EFCAB5: variants seen among roughly 807,000 people sequenced by gnomAD.
The protein encoded by EFCAB5 is EF-hand calcium-binding domain-containing protein 5.
A neutral mutation model predicts 167.9 loss-of-function variants in EFCAB5; 131 were observed. The observed-to-expected ratio is 0.78, with a 90% CI of 0.68 to 0.90. The LOEUF is 0.90. Ranked by LOEUF, EFCAB5 falls within the 40% of genes least tolerant of loss-of-function variation. The pLI, the probability that EFCAB5 is intolerant of heterozygous loss-of-function variation, is 0.00. For synonymous variants in EFCAB5, 574 were observed against 602.8 expected (o/e 0.95, Z 0.70); for missense variants, 1,663 against 1,745.2 (o/e 0.95, Z 0.84).
At chr17:30,007,832 A>T (rs1482163851) in intron 7 of EFCAB5, among the ~76,000 whole-genome samples, 1 of 152,122 alleles carries the variant, frequency 6.6e-6, no homozygotes, top group Non-Finnish European at 1.5e-5. Flanking sequence ...ACAAAAAATT[A>T]AAAACATAGC....
At chr17:29,989,580 CAGG>C (rs901850581) in intron 4 of EFCAB5, among the ~76,000 whole-genome samples, 4 of 152,200 alleles carry the variant, frequency 2.6e-5, no homozygotes, top group African/African-American at 9.7e-5. Context: ...GGAATCATAG[CAGG>C]AGAAGACAGT....
chr17:30,002,851 G>A (rs1486471090), intron 7 of EFCAB5, among the ~76,000 whole-genome samples: 1 of 152,084 alleles, frequency 6.6e-6, no homozygotes, highest in East Asian at 1.9e-4. Flanking sequence ...ATTCTTGATT[G>A]AAAATTCTTC....
intron 1 of EFCAB5, among the ~76,000 whole-genome samples, chr17:29,932,750 A>C (rs1026266333): frequency 2.0e-5 from 3 of 151,928 alleles, no homozygotes; most frequent in African/African-American, 7.3e-5. Flanking sequence ...GAGCCCCCGC[A>C]CCCGGCCATC....
intron 3 of EFCAB5, among the ~76,000 whole-genome samples, chr17:29,948,155 A>G (rs762288435): frequency 6.6e-6 from 1 of 152,200 alleles, no homozygotes; most frequent in Non-Finnish European, 1.5e-5. Context: ...TAAAAATGCC[A>G]AACAGAATTT....
intron 1 of EFCAB5, 30 bp from the exon 2 acceptor site, chr17:29,942,210 T>C: frequency 6.5e-7 from 1 of 1,549,956 alleles, no homozygotes; most frequent in Non-Finnish European, 8.7e-7. Context: ...TCTTTTTGGA[T>C]GCCATTTACT....
intron 8 of EFCAB5, among the ~76,000 whole-genome samples, chr17:30,050,079 T>A (rs1040359255): frequency 1.3e-5 from 2 of 152,072 alleles, no homozygotes; most frequent in African/African-American, 4.8e-5. Context: ...TAGATCTCAA[T>A]GTTGAGTAAA....
chr17:30,054,183 TGTTTTGTGGAATG>T, intron 10 of EFCAB5, 35 bp downstream of exon 10: 1 of 1,479,352 alleles, frequency 6.8e-7, no homozygotes, highest in Non-Finnish European at 9.0e-7. Context: ...ATCAGTTCCC[TGTTTTGTGGAATG>T]GTTTTTAAAG....
intron 1 of EFCAB5, among the ~76,000 whole-genome samples, chr17:29,932,602 T>C (rs1238719204): frequency 6.6e-6 from 1 of 151,474 alleles, no homozygotes; most frequent in East Asian, 1.9e-4. Context: ...ATTACAGGCA[T>C]GTGCCACCAC....
At chr17:30,064,024 C>A (rs984750803) in intron 14 of EFCAB5, among the ~76,000 whole-genome samples, 1 of 152,090 alleles carries the variant, frequency 6.6e-6, no homozygotes, top group Non-Finnish European at 1.5e-5. Flanking sequence ...GAAAATCTTC[C>A]TCTATAAAAG....
At chr17:30,001,679 T>G (rs2068664917) in intron 7 of EFCAB5, among the ~76,000 whole-genome samples, 1 of 152,224 alleles carries the variant, frequency 6.6e-6, no homozygotes, top group Non-Finnish European at 1.5e-5. Flanking sequence ...ATAAGTTCAT[T>G]ATAAAAATTT....
intron 1 of EFCAB5, 150 bp downstream of exon 1, chr17:29,941,988 T>TC: frequency 1.0e-6 from 1 of 964,256 alleles, no homozygotes. Flanking sequence ...AGAAATGCTG[T>TC]AAAAGGGGTC....
intron 8 of EFCAB5, among the ~76,000 whole-genome samples, chr17:30,040,118 A>G (rs955568409): frequency 6.6e-6 from 1 of 152,226 alleles, no homozygotes; most frequent in Admixed American, 6.5e-5. Flanking sequence ...ATGGTCCTCA[A>G]ATCAAGTAGA....
intron 7 of EFCAB5, among the ~76,000 whole-genome samples, chr17:30,021,247 G>A (rs1221633082): frequency 1.3e-5 from 2 of 150,330 alleles, no homozygotes; most frequent in African/African-American, 2.4e-5. Flanking sequence ...GAATGCTAAT[G>A]AGTTTATATA....
rs373288847 is a variant in EFCAB5 at position 29,963,726 on chromosome 17, G to A, written c.191-5065G>A. 2.6e-5 allele frequency among the ~76,000 whole-genome samples: 4 copies of A among 152,256 alleles called. No individual in the cohort carries two copies. The East Asian group carries it at 7.7e-4, about 29-fold the overall frequency. On this transcript the variant is annotated intron_variant, in intron 3 of 22. Transcript: ENST00000394835. ...GATCACTGATTCAATCTCTTTACTT[G>A]TTAGAGGTCTGATATGGTTTGAATG... is the stretch of plus-strand genomic sequence containing the variant.
At chr17:29,934,979 T>C (rs2067233081) in intron 1 of EFCAB5, among the ~76,000 whole-genome samples, 1 of 151,994 alleles carries the variant, frequency 6.6e-6, no homozygotes, top group Non-Finnish European at 1.5e-5. Context: ...TAAAAGATTA[T>C]GACTTATATA....
intron 3 of EFCAB5, among the ~76,000 whole-genome samples, chr17:29,951,754 C>T (rs926526014): frequency 6.6e-6 from 1 of 152,078 alleles, no homozygotes; most frequent in Non-Finnish European, 1.5e-5. Flanking sequence ...TGAAGCATAG[C>T]TGTTCCAGTC....
intron 7 of EFCAB5, among the ~76,000 whole-genome samples, chr17:30,009,301 T>A (rs964193010): frequency 6.6e-6 from 1 of 152,212 alleles, no homozygotes; most frequent in Non-Finnish European, 1.5e-5. Flanking sequence ...TTTAGTATAT[T>A]TGCAGAGGAG....
chr17:29,986,773 G>A (rs1443129662), intron 4 of EFCAB5, among the ~76,000 whole-genome samples: 4 of 142,304 alleles, frequency 2.8e-5, no homozygotes, highest in Non-Finnish European at 6.0e-5. Context: ...TCAGCCTCCC[G>A]AGCAGCTGGG....
rs150091801 is a variant in EFCAB5, at chr17:29,930,635, C to G, written c.-127+1306C>G. On this transcript the variant is annotated intron_variant, in intron 1 of 3. Transcript: ENST00000448319. Reference sequence around the variant, plus strand: ...GAGTTTCAAACCCTCTCACTGGGCGCAGACAGAACTGGGCTAGACCAGTTT... The same window carrying G: ...GAGTTTCAAACCCTCTCACTGGGCGGAGACAGAACTGGGCTAGACCAGTTT... Among the ~76,000 whole-genome samples the G allele has an allele frequency of 4.6e-3, 703 of 152,180 alleles. 5 individuals are homozygous for G. Among genetic ancestry groups the G allele is most frequent in the African/African-American group, 0.016 (663 of 41,526 alleles).
Sources: gnomAD v4.1 joint callset for allele counts (sites outside exome capture counted in the v4.1 genomes callset) on GRCh38, gnomAD v4.1.1 for gene constraint, MANE v1.5 for transcripts, NCBI Gene and HGNC (gene_info 2026-07-23, HGNC 2026-07-21) for gene names.